Variants in GALNT17 observed in about 807,000 individuals in gnomAD.
The protein encoded by GALNT17 is polypeptide N-acetylgalactosaminyltransferase 17, also known as UDP-GalNAc:polypeptide N-acetylgalactosaminyltransferase-like 3.
Under a neutral mutation model 63.7 loss-of-function variants are expected in GALNT17, and 29 were observed. That is an observed-to-expected ratio of 0.46 (90% CI 0.34 to 0.62). The LOEUF (loss-of-function observed/expected upper bound fraction) is 0.62. Ranked by LOEUF, GALNT17 falls within the 20% of genes least tolerant of loss-of-function variation. GALNT17 has a pLI of 0.01. For synonymous variants in GALNT17, 305 were observed against 318.3 expected, an observed-to-expected ratio of 0.96 and a Z score of 0.45; for missense variants, 603 against 799.6, an observed-to-expected ratio of 0.75 and a Z score of 2.97.
intron 1 of GALNT17, among the ~76,000 whole-genome samples, chr7:71,263,227 C>T (rs923486199): frequency 2.0e-5 from 3 of 151,454 alleles, no homozygotes; most frequent in Non-Finnish European, 2.9e-5. Flanking sequence ...GGTGTGGTGG[C>T]GGGTGCCTGT....
intron 1 of GALNT17, among the ~76,000 whole-genome samples, chr7:71,298,858 T>C (rs1380596436): frequency 2.6e-5 from 4 of 152,108 alleles, no homozygotes; most frequent in African/African-American, 9.7e-5. Flanking sequence ...CCCTAAGATA[T>C]AAAATATGAT....
At chr7:71,498,869 C>T (rs1788136002) in intron 5 of GALNT17, among the ~76,000 whole-genome samples, 1 of 152,348 alleles carries the variant, frequency 6.6e-6, no homozygotes, top group South Asian at 2.1e-4. Flanking sequence ...CTTCCTAACT[C>T]TGAGATTCTG....
intron 5 of GALNT17, among the ~76,000 whole-genome samples, chr7:71,448,793 A>G (rs1324573020): frequency 6.6e-6 from 1 of 152,228 alleles, no homozygotes. Flanking sequence ...CAAGTTGTAT[A>G]CATTAACTAT....
chr7:71,707,405 G>A (rs1791736546), intron 9 of GALNT17, among the ~76,000 whole-genome samples: 1 of 152,140 alleles, frequency 6.6e-6, no homozygotes, highest in Non-Finnish European at 1.5e-5. Context: ...TCCTTCCCCA[G>A]GAAAGTAAAG....
intron 1 of GALNT17, among the ~76,000 whole-genome samples, chr7:71,206,792 G>A (rs1303675909): frequency 3.3e-5 from 5 of 152,068 alleles, no homozygotes; most frequent in Admixed American, 6.6e-5. Context: ...GTCTGCACGA[G>A]GTACCCCTTT....
intron 5 of GALNT17, among the ~76,000 whole-genome samples, chr7:71,553,476 T>G (rs908011027): frequency 6.6e-6 from 1 of 152,206 alleles, no homozygotes; most frequent in African/African-American, 2.4e-5. Context: ...CTAAGACATG[T>G]TTATTTTTAA....
chr7:71,153,628 C>A (rs1042191664), intron 1 of GALNT17, among the ~76,000 whole-genome samples: 2 of 152,106 alleles, frequency 1.3e-5, no homozygotes, highest in African/African-American at 4.8e-5. Flanking sequence ...AAAAATGTAT[C>A]TACAGGCCAG....
chr7:71,423,737 G>C (rs952157170), intron 5 of GALNT17, among the ~76,000 whole-genome samples: 1 of 151,964 alleles, frequency 6.6e-6, no homozygotes, highest in Non-Finnish European at 1.5e-5. Flanking sequence ...AACATAGCCA[G>C]ACTGTGTCTC....
chr7:71,522,708 G>A (rs1362949735), intron 5 of GALNT17, among the ~76,000 whole-genome samples: 7 of 152,102 alleles, frequency 4.6e-5, no homozygotes, highest in Admixed American at 6.6e-5. Context: ...ATCCACCAGC[G>A]CTGCAATGCA....
At chr7:71,335,513 G>A (rs751164468) in intron 1 of GALNT17, 37 bp from the exon 2 acceptor site, 2 of 1,511,246 alleles carry the variant, frequency 1.3e-6, no homozygotes, top group Non-Finnish European at 1.8e-6. Flanking sequence ...TGGTATGGTG[G>A]TTTTCTAATA....
Position 71,620,479 on chromosome 7 carries a change from A to C in GALNT17, c.1081-44932A>C, listed in dbSNP as rs145591166. ...GTGACAGAGCAAGACCCTGTTTCTAATAAATTAAAAAATTACAGTCACAAA... is the reference window on the plus strand; with the variant it reads ...GTGACAGAGCAAGACCCTGTTTCTACTAAATTAAAAAATTACAGTCACAAA... On this transcript the variant is annotated intron_variant, in intron 6 of 10. Transcript: ENST00000333538. Among the ~76,000 whole-genome samples the C allele has an allele frequency of 1.1e-4, 17 of 152,354 alleles. No homozygotes were observed. The East Asian group carries it at 1.5e-3, about 14-fold the overall frequency.
intron 5 of GALNT17, among the ~76,000 whole-genome samples, chr7:71,445,363 GT>G (rs888812240): frequency 9.7e-4 from 137 of 140,898 alleles, no homozygotes; most frequent in South Asian, 1.4e-3. Flanking sequence ...ATTTTTGTTT[GT>G]TTTTTTTTTT....
intron 1 of GALNT17, among the ~76,000 whole-genome samples, chr7:71,281,114 A>T (rs2115754085): frequency 6.6e-6 from 1 of 152,290 alleles, no homozygotes; most frequent in South Asian, 2.1e-4. Context: ...AGGTTTGAGG[A>T]GCTGTCAGAG....
chr7:71,627,634 A>G (rs894097108), intron 6 of GALNT17, among the ~76,000 whole-genome samples: 15 of 152,312 alleles, frequency 9.8e-5, no homozygotes, highest in African/African-American at 3.1e-4. Flanking sequence ...CCGGTAGACA[A>G]TAGATAACAA....
chr7:71,157,428 C>A (rs570476394), intron 1 of GALNT17, among the ~76,000 whole-genome samples: 1 of 151,756 alleles, frequency 6.6e-6, no homozygotes, highest in African/African-American at 2.4e-5. Flanking sequence ...GAGGCTGAGG[C>A]GGGTGGATCA....
At chr7:71,511,579 C>T (rs901058298) in intron 5 of GALNT17, among the ~76,000 whole-genome samples, 1 of 152,184 alleles carries the variant, frequency 6.6e-6, no homozygotes, top group African/African-American at 2.4e-5. Flanking sequence ...CATTAAACTC[C>T]AGTCCTAGGA....
chr7:71,502,306 G>A (rs1333055932), intron 5 of GALNT17, among the ~76,000 whole-genome samples: 2 of 152,104 alleles, frequency 1.3e-5, no homozygotes, highest in African/African-American at 4.8e-5. Flanking sequence ...GTGTGATGTT[G>A]ACACTTTCTC....
chr7:71,430,461 A>G (rs1563086929), intron 5 of GALNT17, among the ~76,000 whole-genome samples: 1 of 152,182 alleles, frequency 6.6e-6, no homozygotes, highest in East Asian at 1.9e-4. Context: ...AATGCCACAG[A>G]TGGGACATTT....
intron 6 of GALNT17, among the ~76,000 whole-genome samples, chr7:71,595,431 C>CAA (rs113490447): frequency 2.6e-5 from 3 of 116,744 alleles, no homozygotes. Context: ...GACTCTGTCT[C>CAA]AAAAAAAAAA....
Sources: gnomAD v4.1 joint callset for allele counts (sites outside exome capture counted in the v4.1 genomes callset) on GRCh38, gnomAD v4.1.1 for gene constraint, MANE v1.5 for transcripts, NCBI Gene and HGNC (gene_info 2026-07-23, HGNC 2026-07-21) for gene names.